Variants in WWC2 observed in about 807,000 individuals in gnomAD.
WWC2 encodes the protein protein WWC2.
WWC2 carries 101 observed loss-of-function variants against 138.5 expected under a neutral mutation model. The ratio of observed to expected loss-of-function variants is 0.73; its 90% CI spans 0.62 to 0.86. The LOEUF is 0.86. Among genes scored for constraint, WWC2 ranks in the 40% least tolerant of loss-of-function variants. The probability of loss-of-function intolerance (pLI) is 0.00; values close to 1 mark genes in which losing one functional copy is unlikely to be tolerated. For synonymous variants in WWC2, 558 were observed against 538.4 expected (o/e 1.04, Z -0.50); for missense variants, 1,420 against 1,419.4 (o/e 1.00, Z -0.01).
chr4:183,107,175 T>G (rs1260829287), intron 1 of WWC2, among the ~76,000 whole-genome samples: 1 of 152,186 alleles, frequency 6.6e-6, no homozygotes, highest in African/African-American at 2.4e-5. Flanking sequence ...TTTCTTCTTT[T>G]GAGACGGAGC....
chr4:183,261,411 T>C lies in WWC2; in HGVS notation c.1788T>C (p.Asp596=). The C allele has an allele frequency of 6.2e-7, 1 of 1,613,046 alleles. No homozygotes were observed. The highest frequency in any genetic ancestry group is 1.1e-5 in the South Asian group (1 of 90,762). ...GTGAGTTGAGTAGCCATTTTGCAGA[T>C]ATCAGCCTCATCGAAAATCAGATTT... ...EDCELSSHFA[D]ISLIENQILL... is the part of the protein sequence containing the mutation. Residue 596 remains aspartate, a synonymous_variant, in exon 11 of 23, where the codon GAT becomes GAC. Transcript: ENST00000403733.
At chr4:183,164,411 A>T (rs10654175) in intron 1 of WWC2, among the ~76,000 whole-genome samples, 2 of 864 alleles carry the variant, frequency 2.3e-3, no homozygotes, top group African/African-American at 4.8e-3. Context: ...TATTATATAT[A>T]ATATATATAT....
chr4:183,125,017 C>T (rs571233426), intron 1 of WWC2, among the ~76,000 whole-genome samples: 1 of 152,258 alleles, frequency 6.6e-6, no homozygotes, highest in African/African-American at 2.4e-5. Flanking sequence ...CCAGTGCTCA[C>T]CATTGCCAGG....
chr4:183,162,749 C>T (rs1236075404), intron 1 of WWC2, among the ~76,000 whole-genome samples: 1 of 152,116 alleles, frequency 6.6e-6, no homozygotes, highest in East Asian at 1.9e-4. Context: ...CCCACAGAGG[C>T]CCCTCCTCCC....
chr4:183,271,270 A>T (rs1737687269), intron 16 of WWC2, 29 bp downstream of exon 16: 3 of 1,574,114 alleles, frequency 1.9e-6, no homozygotes, highest in South Asian at 2.4e-5. Context: ...ATAATATGAA[A>T]GTAATGTGAA....
intron 16 of WWC2, among the ~76,000 whole-genome samples, chr4:183,271,932 A>G (rs1227759857): frequency 6.6e-6 from 1 of 152,124 alleles, no homozygotes; most frequent in African/African-American, 2.4e-5. Flanking sequence ...ATTGACCCTC[A>G]GAAGTTGAAG....
rs200791131 is a variant in WWC2, at chr4:183,139,596, T to A, written c.131+39974T>A. On this transcript the variant is annotated intron_variant, in intron 1 of 22. Coordinates refer to ENST00000403733, the MANE Select transcript of WWC2 (RefSeq NM_024949.6). The stretch of plus-strand genomic sequence containing the variant: ...CAACCACAAAGAACAGAGCCCACTC[T>A]TGACAGATGATGAATATGATAGTGT... Among the ~76,000 whole-genome samples the A allele has an allele frequency of 3.3e-5, 5 of 152,334 alleles. No homozygotes were observed. In the East Asian group the frequency reaches 9.6e-4, roughly 29 times the overall value.
chr4:183,165,570 A>C (rs1484759267), intron 1 of WWC2, among the ~76,000 whole-genome samples: 1 of 152,076 alleles, frequency 6.6e-6, no homozygotes, highest in Non-Finnish European at 1.5e-5. Flanking sequence ...GGTGTGGGGG[A>C]AGGAAATCTC....
chr4:183,319,463 C>T lies in WWC2; in HGVS notation c.*3734C>T. The T allele has an allele frequency of 7.6e-7, 1 of 1,318,196 alleles. No homozygotes were observed. The highest frequency in any genetic ancestry group is 1.0e-6 in the Non-Finnish European group (1 of 958,580). 81.7% of individuals were successfully genotyped at this position (1,318,196 alleles called of 1,614,324 possible). On this transcript the variant is annotated 3_prime_UTR_variant, in exon 23 of 23. Coordinates refer to ENST00000403733, the MANE Select transcript of WWC2 (RefSeq NM_024949.6). ...CAGGAAAAGATGCATTTTCAAAAAT[C>T]AAAAGCACAGTGAGATGACTAGAGC...
intron 20 of WWC2, among the ~76,000 whole-genome samples, chr4:183,288,558 C>A (rs1738329939): frequency 6.6e-6 from 1 of 152,216 alleles, no homozygotes; most frequent in African/African-American, 2.4e-5. Flanking sequence ...TGCACTTCTG[C>A]ACTCACTCAC....
chr4:183,188,405 T>C (rs1332214767), intron 1 of WWC2, among the ~76,000 whole-genome samples: 1 of 152,034 alleles, frequency 6.6e-6, no homozygotes, highest in Non-Finnish European at 1.5e-5. Context: ...ACCTGGCTAA[T>C]TTTTGTAATT....
At chr4:183,304,345 A>T (rs1295305930) in intron 21 of WWC2, among the ~76,000 whole-genome samples, 4 of 152,010 alleles carry the variant, frequency 2.6e-5, no homozygotes, top group Non-Finnish European at 5.9e-5. Context: ...AGAGTTAAAA[A>T]CTGCAGGAGT....
At chr4:183,127,745 G>A (rs1015375766) in intron 1 of WWC2, among the ~76,000 whole-genome samples, 3 of 152,016 alleles carry the variant, frequency 2.0e-5, no homozygotes, top group South Asian at 2.1e-4. Context: ...TACCTTAAAT[G>A]TGTACAATAC....
intron 1 of WWC2, among the ~76,000 whole-genome samples, chr4:183,118,009 A>G (rs1732473528): frequency 6.6e-6 from 1 of 151,678 alleles, no homozygotes; most frequent in South Asian, 2.1e-4. Flanking sequence ...CATGTTGGCC[A>G]GGCTGGTCTT....
In WWC2 at chr4:183,265,558, A is replaced by C. The variant is rs1737474037; in HGVS notation, c.2040-130A>C. ...GAAACAGTAAGCTTTCGCTGGGATCAGTTCCACTGGGAGGGCATAGGAGTG... is the reference window on the plus strand; with the variant it reads ...GAAACAGTAAGCTTTCGCTGGGATCCGTTCCACTGGGAGGGCATAGGAGTG... On this transcript the variant is annotated intron_variant, in intron 12 of 22. Coordinates refer to ENST00000403733, the MANE Select transcript of WWC2 (RefSeq NM_024949.6). The C allele has an allele frequency of 3.2e-6, 3 of 928,250 alleles. No homozygotes were observed. In the South Asian group the frequency reaches 4.8e-5, roughly 15 times the overall value. 57.5% of individuals were successfully genotyped at this position (928,250 alleles called of 1,614,324 possible). A position where few individuals can be genotyped will look rare whatever the true frequency, so the allele number is the denominator to read the frequency against.
intron 1 of WWC2, among the ~76,000 whole-genome samples, chr4:183,169,200 C>T (rs1029026503): frequency 1.3e-5 from 2 of 152,194 alleles, no homozygotes; most frequent in African/African-American, 4.8e-5. Context: ...GTAAAATCAA[C>T]AGAATTGATC....
intron 1 of WWC2, among the ~76,000 whole-genome samples, chr4:183,110,432 ATTTTTTTT>A (rs545128013): frequency 3.4e-5 from 4 of 117,422 alleles, no homozygotes; most frequent in African/African-American, 9.9e-5. Flanking sequence ...CTGTAGAGCT[ATTTTTTTT>A]TTTTTTTTTT....
chr4:183,314,242 G>T (rs1739360345), intron 22 of WWC2, among the ~76,000 whole-genome samples: 1 of 152,174 alleles, frequency 6.6e-6, no homozygotes, highest in African/African-American at 2.4e-5. Flanking sequence ...CACTACTTGG[G>T]TTTTAGAACT....
chr4:183,108,386 C>T (rs958986778), intron 1 of WWC2, among the ~76,000 whole-genome samples: 1 of 152,016 alleles, frequency 6.6e-6, no homozygotes, highest in African/African-American at 2.4e-5. Flanking sequence ...AAAACACCTA[C>T]TGGATCCCAG....
Sources: gnomAD v4.1 joint callset for allele counts (sites outside exome capture counted in the v4.1 genomes callset) on GRCh38, gnomAD v4.1.1 for gene constraint, MANE v1.5 for transcripts, NCBI Gene and HGNC (gene_info 2026-07-23, HGNC 2026-07-21) for gene names.